MAN1A2: variants seen among roughly 807,000 people sequenced by gnomAD.
MAN1A2 encodes the protein mannosidase alpha class 1A member 2.
MAN1A2 carries 26 observed loss-of-function variants against 75.7 expected under a neutral mutation model. The ratio of observed to expected loss-of-function variants is 0.34; its 90% CI spans 0.25 to 0.48. MAN1A2 has a LOEUF of 0.48. MAN1A2 is among the 20% of genes least tolerant of loss of function. The pLI, the probability that MAN1A2 is intolerant of heterozygous loss-of-function variation, is 0.99. For missense variants in MAN1A2, 562 were observed against 775.5 expected (o/e 0.72, Z 3.27); for synonymous variants, 247 against 264.6 (o/e 0.93, Z 0.65).
intron 6 of MAN1A2, 21 bp downstream of exon 6, chr1:117,442,346 T>G: frequency 6.8e-7 from 1 of 1,473,668 alleles, no homozygotes; most frequent in Non-Finnish European, 9.5e-7. Context: ...GTGGGTATTC[T>G]TATTCTGGAA....
intron 1 of MAN1A2, among the ~76,000 whole-genome samples, chr1:117,391,653 G>A (rs953087734): frequency 3.3e-5 from 5 of 152,136 alleles, no homozygotes; most frequent in Admixed American, 1.3e-4. Flanking sequence ...CAGTTAGGTG[G>A]GAGCTATGCC....
Position 117,526,880 on chromosome 1 carries a change from C to CTCTCTCTCTCTCTCTCTCTCTCTCTATA in MAN1A2, c.*3924_*3925insCTCTCTCTCTCTCTCTCTCTCTCTATAT. ...TCTCTCTCTCTCTCTCTCTCTCTCTCTATATATATATATATATATATATAT... is the reference window on the plus strand; with the variant it reads ...TCTCTCTCTCTCTCTCTCTCTCTCTCTCTCTCTCTCTCTCTCTCTCTCTCTATATATATATATATATATATATATATAT... On this transcript the variant is annotated 3_prime_UTR_variant, in exon 13 of 13. Coordinates refer to ENST00000356554, the MANE Select transcript of MAN1A2 (RefSeq NM_006699.5). 1.8e-5 allele frequency: 1 copy of CTCTCTCTCTCTCTCTCTCTCTCTCTATA among 54,522 alleles called. No homozygotes were observed. Among genetic ancestry groups the CTCTCTCTCTCTCTCTCTCTCTCTCTATA allele is most frequent in the African/African-American group, 8.2e-5 (1 of 12,264 alleles). The allele number at this position is 54,522 out of a possible 1,614,324, so 3.4% of individuals were successfully genotyped here. A position where few individuals can be genotyped will look rare whatever the true frequency, so the allele number is the denominator to read the frequency against.
In MAN1A2 at chr1:117,525,118, C is replaced by G. The variant is rs754638525; in HGVS notation, c.*2161C>G. The G allele has an allele frequency of 1.1e-5, 6 of 529,142 alleles. No homozygotes were observed. Among genetic ancestry groups the G allele is most frequent in the Non-Finnish European group, 1.9e-5 (5 of 258,344 alleles). 32.8% of individuals were successfully genotyped at this position (529,142 alleles called of 1,614,324 possible). ...TTCTCAAGGGATGAGGAGACAGAAC[C>G]CCTACTTCCAAGTGCTCTATTTGTA... On this transcript the variant is annotated 3_prime_UTR_variant, in exon 13 of 13. Transcript: ENST00000356554.
chr1:117,462,250 A>G (rs1041036399), intron 7 of MAN1A2, among the ~76,000 whole-genome samples: 2 of 152,160 alleles, frequency 1.3e-5, no homozygotes, highest in Non-Finnish European at 2.9e-5. Context: ...ATTATTCGGT[A>G]TGTACATTTA....
chr1:117,385,740 A>G (rs1224768970), intron 1 of MAN1A2, among the ~76,000 whole-genome samples: 2 of 152,216 alleles, frequency 1.3e-5, no homozygotes, highest in Non-Finnish European at 2.9e-5. Flanking sequence ...AAAGGTATTT[A>G]TTGGAAGGAT....
chr1:117,432,517 T>C (rs1388040448), intron 5 of MAN1A2, among the ~76,000 whole-genome samples: 1 of 152,200 alleles, frequency 6.6e-6, no homozygotes, highest in Admixed American at 6.5e-5. Flanking sequence ...TTTGCAAAAT[T>C]TAATAACATA....
intron 5 of MAN1A2, among the ~76,000 whole-genome samples, chr1:117,431,829 A>G (rs1648679914): frequency 6.6e-6 from 1 of 152,206 alleles, no homozygotes; most frequent in South Asian, 2.1e-4. Context: ...ATGTACCTGT[A>G]GTCCCAGCTA....
intron 1 of MAN1A2, among the ~76,000 whole-genome samples, chr1:117,371,124 TAAC>T (rs1652952284): frequency 6.6e-6 from 1 of 152,368 alleles, no homozygotes; most frequent in East Asian, 1.9e-4. Context: ...CAATAAATGT[TAAC>T]TATTATTATC....
chr1:117,503,083 CT>C, intron 12 of MAN1A2, 113 bp downstream of exon 12: 1 of 554,004 alleles, frequency 1.8e-6, no homozygotes, highest in South Asian at 2.7e-5. Flanking sequence ...TTGTAAATAT[CT>C]TTTTATGTAA....
chr1:117,410,419 A>C (rs1204568293), intron 3 of MAN1A2, among the ~76,000 whole-genome samples: 2 of 151,908 alleles, frequency 1.3e-5, no homozygotes, highest in Non-Finnish European at 2.9e-5. Context: ...TAAACTAAAA[A>C]GGGGATTTCT....
chr1:117,502,315 T>A (rs1651227093), intron 11 of MAN1A2, among the ~76,000 whole-genome samples: 1 of 151,752 alleles, frequency 6.6e-6, no homozygotes, highest in Non-Finnish European at 1.5e-5. Context: ...TTTCTGCCAG[T>A]TGGTACCACC....
At position 117,526,861 on chromosome 1, in the gene MAN1A2, T is replaced by TCC. The variant is rs1652035251; in HGVS notation, c.*3905_*3906insCC. ...CTTTTCCTCTCTCTCTCTCTCTCTCTCTCTCTCTCTCTCTCTCTCTATATA... is the reference window on the plus strand; with the variant it reads ...CTTTTCCTCTCTCTCTCTCTCTCTCTCCCTCTCTCTCTCTCTCTCTCTATATA... On this transcript the variant is annotated 3_prime_UTR_variant, in exon 13 of 13. Coordinates refer to ENST00000356554, the MANE Select transcript of MAN1A2 (RefSeq NM_006699.5). 2.1e-5 allele frequency: 2 copies of TCC among 95,502 alleles called. No individual in the cohort carries two copies. The highest frequency in any genetic ancestry group is 8.6e-5 in the African/African-American group (2 of 23,350). The allele number at this position is 95,502 out of a possible 1,614,324, so 5.9% of individuals were successfully genotyped here.
intron 10 of MAN1A2, among the ~76,000 whole-genome samples, chr1:117,498,107 G>A (rs1651088247): frequency 6.6e-6 from 1 of 151,844 alleles, no homozygotes; most frequent in African/African-American, 2.4e-5. Flanking sequence ...GGACGGTGAA[G>A]TAGTGTTATT....
intron 8 of MAN1A2, among the ~76,000 whole-genome samples, chr1:117,470,480 T>C (rs767585858): frequency 2.0e-5 from 3 of 152,112 alleles, no homozygotes; most frequent in Non-Finnish European, 2.9e-5. Flanking sequence ...TTTTGTGTTA[T>C]ATACATTTCA....
intron 8 of MAN1A2, among the ~76,000 whole-genome samples, chr1:117,470,228 G>T (rs1299400413): frequency 2.0e-5 from 3 of 152,078 alleles, no homozygotes; most frequent in Non-Finnish European, 4.4e-5. Context: ...GACAAATATT[G>T]TATGATTCCA....
chr1:117,514,336 TG>T (rs1169279779), intron 12 of MAN1A2, among the ~76,000 whole-genome samples: 1 of 146,402 alleles, frequency 6.8e-6, no homozygotes, highest in Non-Finnish European at 1.5e-5. Flanking sequence ...GCACTCCAGC[TG>T]GGGGACACAG....
intron 1 of MAN1A2, among the ~76,000 whole-genome samples, chr1:117,370,886 C>A (rs879631917): frequency 7.2e-5 from 11 of 152,158 alleles, no homozygotes; most frequent in Non-Finnish European, 1.5e-4. Flanking sequence ...GTTAGTATTT[C>A]TTTATTAATA....
At chr1:117,415,472 A>T (rs557478612) in intron 4 of MAN1A2, among the ~76,000 whole-genome samples, 13 of 152,210 alleles carry the variant, frequency 8.5e-5, no homozygotes, top group African/African-American at 2.6e-4. Context: ...AAATTGTGAT[A>T]TAAGTCCATA....
chr1:117,493,480 GAAGA>G, intron 9 of MAN1A2: 1 of 371,848 alleles, frequency 2.7e-6, no homozygotes, highest in Non-Finnish European at 4.9e-6. Flanking sequence ...AGAAATTTTT[GAAGA>G]AAGAATTTAT....
Sources: allele counts gnomAD v4.1 joint callset (sites outside exome capture counted in the v4.1 genomes callset), GRCh38; gene constraint gnomAD v4.1.1; transcripts MANE v1.5; gene names NCBI Gene and HGNC (gene_info 2026-07-23, HGNC 2026-07-21).